OCLN: variants seen among roughly 807,000 people sequenced by gnomAD.
OCLN encodes occludin.
In OCLN, 21 loss-of-function variants were observed where a neutral mutation model predicts 47.9. The ratio of observed to expected loss-of-function variants is 0.44; its 90% confidence interval spans 0.31 to 0.63. The LOEUF is 0.63. Among genes scored for constraint, OCLN ranks in the 30% least tolerant of loss-of-function variants. The pLI is 0.08. For synonymous variants in OCLN, 117 were observed against 198.4 expected (o/e 0.59, Z 3.45); for missense variants, 360 against 571.0 (o/e 0.63, Z 3.77).
At chr5:69,508,629 C>A (rs1013387141) in intron 2 of OCLN, among the ~76,000 whole-genome samples, 5 of 152,186 alleles carry the variant, frequency 3.3e-5, no homozygotes, top group Non-Finnish European at 5.9e-5. Context: ...ACATGAGCCA[C>A]CGTGCCCAGC....
At chr5:69,529,160 G>A (rs2112044377) in intron 4 of OCLN, among the ~76,000 whole-genome samples, 1 of 152,268 alleles carries the variant, frequency 6.6e-6, no homozygotes, top group African/African-American at 2.4e-5. Context: ...CAACATGATG[G>A]TGTAGACCCA....
Position 69,509,679 on chromosome 5 carries a change from G to A in OCLN, c.589G>A (p.Val197Met). Residue 197 changes from valine to methionine, a missense_variant, in exon 3 of 9, where the codon GTG becomes ATG. Transcript: ENST00000396442. Reference sequence around the variant, plus strand: ...TGCCACAATTGTCTATATAATGGGAGTGAACCCAACTGCTCAGTCTTCTGG... The same window carrying A: ...TGCCACAATTGTCTATATAATGGGAATGAACCCAACTGCTCAGTCTTCTGG... ...FIATIVYIMG[V>M]NPTAQSSGSL... The A allele has an allele frequency of 6.2e-7, 1 of 1,614,192 alleles. No homozygotes were observed. The highest frequency in any genetic ancestry group is 8.5e-7 in the Non-Finnish European group (1 of 1,180,024).
rs554826417 is a variant in OCLN at position 69,493,418 on chromosome 5, C to T, written c.-69+518C>T. ...GCTCCCACCCCACCCCTTTGGATATCCCGGGGAGACGGGGGCTGGATTCAA... is the reference window on the plus strand; with the variant it reads ...GCTCCCACCCCACCCCTTTGGATATTCCGGGGAGACGGGGGCTGGATTCAA... On this transcript the variant is annotated intron_variant, in intron 1 of 8. Coordinates refer to ENST00000396442, the MANE Select transcript of OCLN (RefSeq NM_001205254.2). The surrounding 1 kb of genome is among the most constrained non-coding windows in gnomAD (Gnocchi z 5.3). 5.9e-5 allele frequency among the ~76,000 whole-genome samples: 9 copies of T among 152,252 alleles called. No homozygotes were observed. Among genetic ancestry groups the T allele is most frequent in the Admixed American group, 5.2e-4 (8 of 15,296 alleles).
chr5:69,497,540 A>AC (rs1444783176), intron 1 of OCLN, among the ~76,000 whole-genome samples: 2 of 151,912 alleles, frequency 1.3e-5, no homozygotes, highest in Non-Finnish European at 2.9e-5. Flanking sequence ...AGCACACACC[A>AC]CCATGCCCAA....
At chr5:69,530,284 A>G (rs1443353661) in intron 4 of OCLN, among the ~76,000 whole-genome samples, 1 of 152,328 alleles carries the variant, frequency 6.6e-6, no homozygotes, top group Non-Finnish European at 1.5e-5. Context: ...TCTGTCAGTA[A>G]TAACAGTGAA....
intron 2 of OCLN, among the ~76,000 whole-genome samples, chr5:69,506,683 A>T (rs1768616692): frequency 6.6e-6 from 1 of 152,184 alleles, no homozygotes; most frequent in Admixed American, 6.5e-5. Flanking sequence ...AGATTTTAGG[A>T]GTTGTATGCC....
At chr5:69,549,883 CT>C (rs1444701471) in intron 7 of OCLN, among the ~76,000 whole-genome samples, 1 of 150,674 alleles carries the variant, frequency 6.6e-6, no homozygotes, top group Non-Finnish European at 1.5e-5. Context: ...TCCCGTGTCC[CT>C]TTGACATACT....
chr5:69,531,590 A>T (rs2112052319), intron 4 of OCLN, among the ~76,000 whole-genome samples: 1 of 152,258 alleles, frequency 6.6e-6, no homozygotes, highest in South Asian at 2.1e-4. Context: ...TGTTGTAAGG[A>T]ATTCTGTGGG....
At chr5:69,508,924 A>G (rs1250199152) in intron 2 of OCLN, among the ~76,000 whole-genome samples, 1 of 152,236 alleles carries the variant, frequency 6.6e-6, no homozygotes, top group Non-Finnish European at 1.5e-5. Context: ...AACTGTTTAC[A>G]ATACCCCCAA....
chr5:69,508,242 C>T (rs1768662070), intron 2 of OCLN, among the ~76,000 whole-genome samples: 1 of 152,044 alleles, frequency 6.6e-6, no homozygotes, highest in Non-Finnish European at 1.5e-5. Context: ...AGGGTTTTAC[C>T]ATGTTCTCCA....
intron 4 of OCLN, among the ~76,000 whole-genome samples, chr5:69,520,797 T>C (rs1400839192): frequency 1.3e-5 from 2 of 152,162 alleles, no homozygotes; most frequent in East Asian, 3.9e-4. Flanking sequence ...AAATACTTAG[T>C]ATAATACCTT....
At chr5:69,500,391 G>A (rs1768422449) in intron 1 of OCLN, among the ~76,000 whole-genome samples, 1 of 140,704 alleles carries the variant, frequency 7.1e-6, no homozygotes, top group Non-Finnish European at 1.5e-5. Context: ...TGTTCTTAAC[G>A]AGCTTTCTTT....
intron 4 of OCLN, among the ~76,000 whole-genome samples, chr5:69,528,281 T>A (rs1769337517): frequency 6.6e-6 from 1 of 152,152 alleles, no homozygotes; most frequent in Non-Finnish European, 1.5e-5. Flanking sequence ...AACCTGGAGA[T>A]GATCCTTAAG....
At chr5:69,526,622 G>A (rs948110629) in intron 4 of OCLN, among the ~76,000 whole-genome samples, 8 of 151,364 alleles carry the variant, frequency 5.3e-5, no homozygotes, top group African/African-American at 1.9e-4. Context: ...TCAACCTAAA[G>A]ATTGACACAA....
intron 1 of OCLN, among the ~76,000 whole-genome samples, chr5:69,495,823 G>C (rs1363524794): frequency 2.6e-5 from 4 of 152,152 alleles, no homozygotes; most frequent in Non-Finnish European, 4.4e-5. Flanking sequence ...AGAAGGTGAC[G>C]TCTGAGCTGA....
chr5:69,496,946 T>G (rs932011980), intron 1 of OCLN, among the ~76,000 whole-genome samples: 3 of 152,172 alleles, frequency 2.0e-5, no homozygotes. Context: ...AGTGGCCTCT[T>G]CATTCTCATT....
intron 4 of OCLN, among the ~76,000 whole-genome samples, chr5:69,533,108 C>CACATAT (rs1554055366): frequency 6.8e-6 from 1 of 146,892 alleles, no homozygotes; most frequent in Non-Finnish European, 1.5e-5. Context: ...CACACACACA[C>CACATAT]ATATATATAT....
chr5:69,514,080 G>C lies in OCLN; in HGVS notation c.862G>C (p.Asp288His), dbSNP rs1768859121. 6.2e-7 allele frequency: 1 copy of C among 1,614,152 alleles called. No homozygotes were observed. The stretch of plus-strand genomic sequence containing the variant: ...TTTGTGGGACAAGGAACACATTTAT[G>C]ATGAGCAGCCCCCCAATGTCGAGGA... ...NILWDKEHIYDEQPPNVEEWV... is the reference protein window; with the variant it reads ...NILWDKEHIYHEQPPNVEEWV... Residue 288 changes from aspartate to histidine, a missense_variant, in exon 4 of 9, where the codon GAT (aspartate) becomes CAT (histidine). Physicochemically the swap from Asp to His is moderately conservative, Grantham distance 81. Transcript: ENST00000396442.
intron 4 of OCLN, among the ~76,000 whole-genome samples, chr5:69,532,689 C>T (rs556901438): frequency 2.0e-5 from 3 of 152,002 alleles, no homozygotes; most frequent in South Asian, 4.2e-4. Context: ...TAACAGTGGC[C>T]GGGCGTGGTG....
Sources: allele counts gnomAD v4.1 joint callset (sites outside exome capture counted in the v4.1 genomes callset), GRCh38; gene constraint gnomAD v4.1.1; non-coding constraint Gnocchi (gnomAD v3.1); transcripts MANE v1.5; gene names NCBI Gene and HGNC (gene_info 2026-07-23, HGNC 2026-07-21).